The following HPGD variants were observed in gnomAD, a reference collection of about 807,000 sequenced individuals.
HPGD encodes the protein 15-hydroxyprostaglandin dehydrogenase [NAD(+)].
HPGD carries 29 observed loss-of-function variants against 30.0 expected under a neutral mutation model. The observed-to-expected ratio is 0.97, with a 90% CI of 0.72 to 1.32. The LOEUF is 1.32. Ranked by LOEUF, HPGD falls within the 40% of genes most tolerant of loss-of-function variation. The pLI, the probability that HPGD is intolerant of heterozygous loss-of-function variation, is 0.00. For synonymous variants in HPGD, 99 were observed against 112.4 expected (o/e 0.88, Z 0.75); for missense variants, 340 against 322.1 (o/e 1.06, Z -0.43).
chr4:174,514,203 T>G (rs1438576925), intron 3 of HPGD, among the ~76,000 whole-genome samples: 1 of 152,154 alleles, frequency 6.6e-6, no homozygotes, highest in Non-Finnish European at 1.5e-5. Context: ...GATGTAAGTA[T>G]GATTCACAGA....
chr4:174,490,708 T>C lies in HPGD; in HGVS notation c.*1248A>G, dbSNP rs1004040586. 1 of 152,348 alleles carries C rather than the reference T, an allele frequency of 6.6e-6. No individual in the cohort carries two copies. The highest frequency in any genetic ancestry group is 1.5e-5 in the Non-Finnish European group (1 of 68,008). 9.4% of individuals were successfully genotyped at this position (152,348 alleles called of 1,614,324 possible). On this transcript the variant is annotated 3_prime_UTR_variant, in exon 7 of 7. Transcript: ENST00000296522. This position sits in a 1 kb window ranked among gnomAD's most constrained non-coding sequence, Gnocchi z 4.4. ...TAAAATAGGGCAAGATATGACAACA[T>C]TCCAGTACTTCTAGGAAATCCATAT...
chr4:174,502,137 CCAA>C (rs45490296), intron 4 of HPGD, among the ~76,000 whole-genome samples: 4,756 of 152,248 alleles, frequency 0.031, 245 homozygotes, highest in African/African-American at 0.11. Context: ...TTCTTTACAA[CCAA>C]CAACAACAAA....
At chr4:174,513,509 A>C (rs1227392839) in intron 3 of HPGD, among the ~76,000 whole-genome samples, 1 of 151,884 alleles carries the variant, frequency 6.6e-6, no homozygotes, top group East Asian at 1.9e-4. Flanking sequence ...TAATGCATTT[A>C]GGGAAGGAAT....
chr4:174,493,696 T>C (rs1734454354), intron 5 of HPGD, among the ~76,000 whole-genome samples: 1 of 152,220 alleles, frequency 6.6e-6, no homozygotes, highest in Admixed American at 6.5e-5. Flanking sequence ...AAAAAGACTT[T>C]TAGTGAAAAT....
chr4:174,494,711 C>T lies in HPGD; in HGVS notation c.498+837G>A, dbSNP rs1734499435. 6.6e-6 allele frequency among the ~76,000 whole-genome samples: 1 copy of T among 152,162 alleles called. No individual in the cohort carries two copies. The highest frequency in any genetic ancestry group is 1.9e-4 in the East Asian group (1 of 5,200). ...CTCTCTAGCTGCTCTCTTTGTCTCA[C>T]CTAGATGAACCACCCAGAGACCCCC... On this transcript the variant is annotated intron_variant, in intron 5 of 6. Coordinates refer to ENST00000296522, the MANE Select transcript of HPGD (RefSeq NM_000860.6). This position sits in a 1 kb window ranked among gnomAD's most constrained non-coding sequence, Gnocchi z 4.9.
At chr4:174,514,570 GAAA>G in intron 3 of HPGD, among the ~76,000 whole-genome samples, 1 of 152,178 alleles carries the variant, frequency 6.6e-6, no homozygotes, top group Non-Finnish European at 1.5e-5. Flanking sequence ...TACTGAGTGG[GAAA>G]AAGCTGGAAG....
chr4:174,505,220 C>A (rs1735124370), intron 4 of HPGD, among the ~76,000 whole-genome samples: 1 of 152,198 alleles, frequency 6.6e-6, no homozygotes, highest in South Asian at 2.1e-4. Flanking sequence ...AACCAGTGTG[C>A]CAACTTAAGG....
At chr4:174,497,508 G>A (rs768232146) in intron 4 of HPGD, among the ~76,000 whole-genome samples, 3 of 145,150 alleles carry the variant, frequency 2.1e-5, no homozygotes, top group Non-Finnish European at 4.5e-5. Flanking sequence ...CATTTTCACT[G>A]CTATTCTGCA....
intron 4 of HPGD, among the ~76,000 whole-genome samples, chr4:174,497,345 G>T (rs186213146): frequency 3.7e-4 from 57 of 152,216 alleles, no homozygotes; most frequent in Admixed American, 2.9e-3. Context: ...AGAGGCGAAA[G>T]AAATATACTG....
At chr4:174,495,761 A>G (rs1734566881) in intron 4 of HPGD, 137 bp from the exon 5 acceptor site, 1 of 716,900 alleles carries the variant, frequency 1.4e-6, no homozygotes, top group African/African-American at 1.8e-5. Context: ...ACATAAAACC[A>G]GATAGCTTTG....
At chr4:174,502,672 C>A (rs1405767926) in intron 4 of HPGD, among the ~76,000 whole-genome samples, 1 of 75,724 alleles carries the variant, frequency 1.3e-5, no homozygotes, top group Non-Finnish European at 2.7e-5. Flanking sequence ...AGCGAGACTC[C>A]GTCTCAAAAA....
intron 3 of HPGD, among the ~76,000 whole-genome samples, chr4:174,516,341 A>G (rs1451883318): frequency 6.6e-6 from 1 of 152,208 alleles, no homozygotes; most frequent in Non-Finnish European, 1.5e-5. Flanking sequence ...TTGCAGCAAC[A>G]TGGATGCAGC....
In HPGD at chr4:174,492,396, G is replaced by A. The variant is rs553896846; in HGVS notation, c.663-302C>T. Among the ~76,000 whole-genome samples the A allele has an allele frequency of 1.6e-4, 24 of 151,970 alleles. No individual in the cohort carries two copies. Among genetic ancestry groups the A allele is most frequent in the African/African-American group, 5.5e-4 (23 of 41,516 alleles). Reference sequence around the variant, plus strand: ...AATTTATACTCATTATTTTCACTGAGCAAATGATCATTTTCTCATCTTTAT... The same window carrying A: ...AATTTATACTCATTATTTTCACTGAACAAATGATCATTTTCTCATCTTTAT... On this transcript the variant is annotated intron_variant, in intron 6 of 6. Transcript: ENST00000296522. The surrounding 1 kb of genome is among the most constrained non-coding windows in gnomAD (Gnocchi z 4.9).
chr4:174,515,225 T>G (rs938657498), intron 3 of HPGD, among the ~76,000 whole-genome samples: 1 of 151,846 alleles, frequency 6.6e-6, no homozygotes, highest in African/African-American at 2.4e-5. Context: ...CTAAGTAAAA[T>G]GAACAAAGCT....
chr4:174,521,977 G>A lies in HPGD; in HGVS notation c.184C>T (p.Gln62Ter). Reference protein sequence around the residue: ...QFEPQKTLFIQCDVADQQQLR... With the variant: ...QFEPQKTLFI ...TGTTGCTGGTCAGCCACATCGCACT[G>A]GATGAACAGAGTCTTCTGAGGTTCA... is the stretch of plus-strand genomic sequence containing the variant. The change falls in exon 2 of 7, where the codon CAG becomes TAG. Residue 62 changes from glutamine (Q) to a stop codon, truncating the protein, a stop_gained. Transcript: ENST00000296522. LOFTEE classifies it high-confidence loss of function. The A allele has an allele frequency of 1.2e-6, 2 of 1,614,106 alleles. No homozygotes were observed. Among genetic ancestry groups the A allele is most frequent in the Non-Finnish European group, 1.7e-6 (2 of 1,179,962 alleles).
intron 4 of HPGD, among the ~76,000 whole-genome samples, chr4:174,498,616 T>C (rs1377951473): frequency 6.6e-6 from 1 of 152,230 alleles, no homozygotes; most frequent in Non-Finnish European, 1.5e-5. Context: ...TGTCTGACTT[T>C]TCACTCAGGA....
At chr4:174,495,127 C>CT (rs1397027951) in intron 5 of HPGD, among the ~76,000 whole-genome samples, 6 of 152,222 alleles carry the variant, frequency 3.9e-5, no homozygotes, top group Admixed American at 3.9e-4. Flanking sequence ...CTTGACCACT[C>CT]TATCAAGTAA....
intron 3 of HPGD, among the ~76,000 whole-genome samples, chr4:174,510,557 G>T (rs1735435165): frequency 6.6e-6 from 1 of 152,148 alleles, no homozygotes; most frequent in African/African-American, 2.4e-5. Context: ...TAGAAAATTT[G>T]AGATTTTTTA....
chr4:174,497,558 CTT>C (rs1206407147), intron 4 of HPGD, among the ~76,000 whole-genome samples: 36 of 50,696 alleles, frequency 7.1e-4, no homozygotes, highest in Non-Finnish European at 1.8e-4. Context: ...TCTTTTCTTT[CTT>C]TTTCTTTCTT....
Sources: allele counts gnomAD v4.1 joint callset (sites outside exome capture counted in the v4.1 genomes callset), GRCh38; gene constraint gnomAD v4.1.1; non-coding constraint Gnocchi (gnomAD v3.1); transcripts MANE v1.5; gene names NCBI Gene and HGNC (gene_info 2026-07-23, HGNC 2026-07-21).